STAM: variants seen among roughly 807,000 people sequenced by gnomAD.
STAM encodes the protein signal transducing adapter molecule 1.
Under a neutral mutation model 63.4 loss-of-function variants are expected in STAM, and 16 were observed. The observed-to-expected ratio is 0.25, with a 90% CI of 0.17 to 0.38. STAM has a LOEUF of 0.38. Ranked by LOEUF, STAM falls within the 10% of genes least tolerant of loss-of-function variation. The pLI is 1.00. For missense variants in STAM, 636 were observed against 657.1 expected, an observed-to-expected ratio of 0.97 and a Z score of 0.35; for synonymous variants, 238 against 223.9, an observed-to-expected ratio of 1.06 and a Z score of -0.56.
At chr10:17,695,024 T>A in intron 6 of STAM, 25 bp from the exon 7 acceptor site, 1 of 1,605,420 alleles carries the variant, frequency 6.2e-7, no homozygotes, top group Non-Finnish European at 8.5e-7. Context: ...ACATTTTGGG[T>A]CTTTAAAAAC....
chr10:17,659,314 CAG>C (rs1554822556), intron 1 of STAM, among the ~76,000 whole-genome samples: 2 of 151,742 alleles, frequency 1.3e-5, no homozygotes, highest in Non-Finnish European at 2.9e-5. Flanking sequence ...ATAAGAATAT[CAG>C]AATATATATA....
At chr10:17,694,216 T>C (rs1835662202) in intron 6 of STAM, among the ~76,000 whole-genome samples, 1 of 152,178 alleles carries the variant, frequency 6.6e-6, no homozygotes, top group African/African-American at 2.4e-5. Context: ...TTGATAATGG[T>C]GTATTTTATC....
At chr10:17,707,719 T>C (rs1212394542) in intron 12 of STAM, among the ~76,000 whole-genome samples, 1 of 152,156 alleles carries the variant, frequency 6.6e-6, no homozygotes, top group Non-Finnish European at 1.5e-5. Context: ...CCTGTGTGGG[T>C]CTGTCGTTTA....
chr10:17,714,967 C>CCG lies in STAM; in HGVS notation c.*187_*188insCG, dbSNP rs1836750050. 6 of 596,430 alleles carry CCG rather than the reference C, an allele frequency of 1.0e-5. No individual in the cohort carries two copies. The highest frequency in any genetic ancestry group is 1.8e-5 in the Non-Finnish European group (6 of 338,176). The allele number at this position is 596,430 out of a possible 1,614,324, so 36.9% of individuals were successfully genotyped here. A position where few individuals can be genotyped will look rare whatever the true frequency, so the allele number is the denominator to read the frequency against. On this transcript the variant is annotated 3_prime_UTR_variant, in exon 14 of 14. Coordinates refer to ENST00000377524, the MANE Select transcript of STAM (RefSeq NM_003473.4). ...GACTTTTTAGAGGTTCTTCCCCCCC[C>CCG]GCCCCTGCAGAGGAATGAAACTACT... is the stretch of plus-strand genomic sequence containing the variant.
chr10:17,709,064 G>A lies in STAM; in HGVS notation c.1385+113G>A, dbSNP rs1488047353. The A allele has an allele frequency of 3.1e-6, 4 of 1,284,536 alleles. No individual in the cohort carries two copies. The African/African-American group carries it at 6.0e-5, about 19-fold the overall frequency. 79.6% of individuals were successfully genotyped at this position (1,284,536 alleles called of 1,614,324 possible). A position where few individuals can be genotyped will look rare whatever the true frequency, so the allele number is the denominator to read the frequency against. The stretch of plus-strand genomic sequence containing the variant: ...AATAAATATCTGTGGTCAGCGTCAT[G>A]CGGCCGCCCCATTTGTGCTAATGAG... On this transcript the variant is annotated intron_variant, in intron 13 of 13. Coordinates refer to ENST00000377524, the MANE Select transcript of STAM (RefSeq NM_003473.4).
At chr10:17,696,133 G>A (rs1439303983) in intron 7 of STAM, 4 of 152,034 alleles carry the variant, frequency 2.6e-5, no homozygotes, top group African/African-American at 9.7e-5. Flanking sequence ...GTGAATTTTG[G>A]GAAGACACAA....
At chr10:17,707,093 G>A (rs1025717703) in intron 12 of STAM, among the ~76,000 whole-genome samples, 1 of 152,124 alleles carries the variant, frequency 6.6e-6, no homozygotes, top group African/African-American at 2.4e-5. Flanking sequence ...TCATCACGGT[G>A]AGGTGAGGTT....
In STAM at chr10:17,714,807, T is replaced by C. The variant is rs782763918; in HGVS notation, c.*27T>C. The C allele has an allele frequency of 1.3e-6, 2 of 1,588,150 alleles. No homozygotes were observed. Among genetic ancestry groups the C allele is most frequent in the African/African-American group, 2.7e-5 (2 of 74,460 alleles). ...ACCCGGTGTTCCTCTTGGTGGCAGA[T>C]ACCTGCTAAATGCCACTGACAATGT... On this transcript the variant is annotated 3_prime_UTR_variant, in exon 14 of 14. Coordinates refer to ENST00000377524, the MANE Select transcript of STAM (RefSeq NM_003473.4).
chr10:17,670,510 A>G (rs1280743656), intron 2 of STAM, among the ~76,000 whole-genome samples: 2 of 152,092 alleles, frequency 1.3e-5, no homozygotes, highest in Non-Finnish European at 2.9e-5. Context: ...AGACATACCA[A>G]TCTTACATTA....
chr10:17,673,585 G>A (rs1834727238), intron 2 of STAM, among the ~76,000 whole-genome samples: 1 of 152,220 alleles, frequency 6.6e-6, no homozygotes, highest in African/African-American at 2.4e-5. Flanking sequence ...TGGTTAAGGA[G>A]TGGCATGCCA....
At chr10:17,670,108 A>G (rs1392538520) in intron 2 of STAM, among the ~76,000 whole-genome samples, 1 of 152,016 alleles carries the variant, frequency 6.6e-6, no homozygotes, top group Admixed American at 6.6e-5. Flanking sequence ...TTGAGGGGGA[A>G]ATTGAGATGA....
At chr10:17,655,766 C>T (rs1833912651) in intron 1 of STAM, among the ~76,000 whole-genome samples, 1 of 152,104 alleles carries the variant, frequency 6.6e-6, no homozygotes, top group South Asian at 2.1e-4. Flanking sequence ...TCCACTGTCC[C>T]CCCAACCCAT....
intron 13 of STAM, among the ~76,000 whole-genome samples, chr10:17,709,414 C>G (rs1340456261): frequency 6.6e-6 from 1 of 152,062 alleles, no homozygotes; most frequent in African/African-American, 2.4e-5. Flanking sequence ...TATATTATAT[C>G]AAGGTACCCC....
At chr10:17,696,313 C>A (rs781867826) in intron 7 of STAM, among the ~76,000 whole-genome samples, 2 of 151,638 alleles carry the variant, frequency 1.3e-5, no homozygotes, top group African/African-American at 4.9e-5. Flanking sequence ...GTACTCTTTG[C>A]GAATGTTTTG....
intron 2 of STAM, among the ~76,000 whole-genome samples, chr10:17,673,980 C>T (rs1032367725): frequency 1.4e-4 from 22 of 151,972 alleles, no homozygotes; most frequent in African/African-American, 4.6e-4. Context: ...GATGAGTAAG[C>T]GTTGACTAAG....
intron 2 of STAM, among the ~76,000 whole-genome samples, chr10:17,677,865 AT>A (rs558083056): frequency 3.9e-5 from 6 of 152,048 alleles, no homozygotes; most frequent in Non-Finnish European, 7.4e-5. Context: ...ATTAAAAAGG[AT>A]TTTTTTGTAT....
At chr10:17,703,448 T>G (rs549466055) in intron 9 of STAM, among the ~76,000 whole-genome samples, 1 of 152,226 alleles carries the variant, frequency 6.6e-6, no homozygotes, top group East Asian at 1.9e-4. Context: ...ATTACTTTGC[T>G]TAGGATTAGT....
intron 1 of STAM, among the ~76,000 whole-genome samples, chr10:17,659,463 C>CTTTTTTTTTTTTTTTTT (rs1223509007): frequency 9.3e-6 from 1 of 107,522 alleles, no homozygotes; most frequent in Admixed American, 1.2e-4. Context: ...TTCTCTTCCT[C>CTTTTTTTTTTTTTTTTT]TTTTTTTTTT....
chr10:17,651,821 G>A (rs1340750281), intron 1 of STAM, among the ~76,000 whole-genome samples: 3 of 151,818 alleles, frequency 2.0e-5, no homozygotes, highest in Non-Finnish European at 2.9e-5. Context: ...TTACATCTTC[G>A]GGCTGACTGA....
Sources: gnomAD v4.1 joint callset for allele counts (sites outside exome capture counted in the v4.1 genomes callset) on GRCh38, gnomAD v4.1.1 for gene constraint, MANE v1.5 for transcripts, NCBI Gene and HGNC (gene_info 2026-07-23, HGNC 2026-07-21) for gene names.